MAP4: variants seen among roughly 807,000 people sequenced by gnomAD.
The protein encoded by MAP4 is microtubule-associated protein 4.
MAP4 carries 76 observed loss-of-function variants against 170.2 expected under a neutral mutation model. The ratio of observed to expected loss-of-function variants is 0.45; its 90% CI spans 0.37 to 0.54. The LOEUF (loss-of-function observed/expected upper bound fraction) is 0.54. MAP4 is among the 20% of genes least tolerant of loss of function. MAP4 has a pLI of 0.00. For synonymous variants in MAP4, 909 were observed against 994.5 expected (o/e 0.91, Z 1.62); for missense variants, 2,506 against 2,748.0 (o/e 0.91, Z 1.97).
In MAP4 at chr3:47,928,210, G is replaced by C; in HGVS notation, c.415+18C>G. ...GTCATAGCACACATTTAGTAGTCACGAGCAAGCCAACACTTACCAGTCTGG... is the reference window on the plus strand; with the variant it reads ...GTCATAGCACACATTTAGTAGTCACCAGCAAGCCAACACTTACCAGTCTGG... On this transcript the variant is annotated intron_variant, in intron 4 of 20. Transcript: ENST00000683076. 6.2e-7 allele frequency: 1 copy of C among 1,612,774 alleles called. No individual in the cohort carries two copies. The highest frequency in any genetic ancestry group is 8.5e-7 in the Non-Finnish European group (1 of 1,179,608).
Position 47,911,279 on chromosome 3 carries a change from C to G in MAP4, c.3142G>C (p.Glu1048Gln). 1 of 1,536,138 alleles carries G rather than the reference C, an allele frequency of 6.5e-7. No homozygotes were observed. Among genetic ancestry groups the G allele is most frequent in the Non-Finnish European group, 8.7e-7 (1 of 1,146,922 alleles). ...GQVLVQVPGV[E>Q]NEPFKRMAGD... ...GCCATTCTCTTAAATGGTTCATTCT[C>G]TACCCCAGGGACCTGTACCAACACT... Residue 1048 changes from glutamate (E) to glutamine (Q), a missense_variant, in exon 9 of 21, where the codon GAG becomes CAG. Physicochemically the swap from Glu to Gln is conservative, Grantham distance 29. Around this residue, in one of 3 missense-constraint regions of MAP4, gnomAD observed 2,008 missense variants for 2,206.0 expected, o/e 0.91. Coordinates refer to ENST00000683076, the MANE Select transcript of MAP4 (RefSeq NM_001385682.1). This position sits in a 1 kb window ranked among gnomAD's most constrained non-coding sequence, Gnocchi z 4.0.
chr3:47,974,881 T>C, intron 3 of MAP4: 2 of 973,540 alleles, frequency 2.1e-6, no homozygotes, highest in Non-Finnish European at 2.4e-6. Context: ...TATCATTATT[T>C]AGATTTTAGT....
chr3:47,867,205 G>A (rs1378365026), intron 17 of MAP4, 41 bp downstream of exon 17: 1 of 1,387,660 alleles, frequency 7.2e-7, no homozygotes, highest in South Asian at 1.2e-5. Flanking sequence ...CCCCACAGTG[G>A]GCTATATCTC....
chr3:47,871,281 T>C lies in MAP4; in HGVS notation c.5947A>G (p.Lys1983Glu). Reference protein sequence around the residue: ...TLLPKKPTAIKTEGKPAEVKK... With the variant: ...TLLPKKPTAIETEGKPAEVKK... ...ACTTCTGCAGGTTTTCCCTCAGTCT[T>C]AATGGCTGTACAAAATATACTTATT... is the stretch of plus-strand genomic sequence containing the variant. Residue 1983 changes from lysine to glutamate, a missense_variant, in exon 14 of 21, where the codon AAG becomes GAG. Physicochemically the swap from Lys to Glu is moderately conservative, Grantham distance 56. This residue lies in a region of MAP4 where 487 missense variants were observed against 511.6 expected (regional missense o/e 0.95). Transcript: ENST00000683076. The C allele has an allele frequency of 6.2e-7, 1 of 1,612,902 alleles. No individual in the cohort carries two copies. The highest frequency in any genetic ancestry group is 8.5e-7 in the Non-Finnish European group (1 of 1,178,820).
At chr3:47,955,333 G>A (rs1395598725) in intron 3 of MAP4, among the ~76,000 whole-genome samples, 1 of 151,728 alleles carries the variant, frequency 6.6e-6, no homozygotes, top group Non-Finnish European at 1.5e-5. Context: ...CCTTTTACGT[G>A]CCTATGAATC....
chr3:48,031,975 A>G (rs2100116383), intron 1 of MAP4, among the ~76,000 whole-genome samples: 1 of 152,160 alleles, frequency 6.6e-6, no homozygotes, highest in Non-Finnish European at 1.5e-5. Flanking sequence ...TAAGAGTGGC[A>G]CTTTACCTCT....
At chr3:47,925,418 C>A (rs538427374) in intron 4 of MAP4, among the ~76,000 whole-genome samples, 1 of 152,160 alleles carries the variant, frequency 6.6e-6, no homozygotes, top group Admixed American at 6.6e-5. Flanking sequence ...TGAGCTTGGG[C>A]GGTCAAGGCT....
At chr3:48,034,252 A>C (rs921989395) in intron 1 of MAP4, among the ~76,000 whole-genome samples, 1 of 152,198 alleles carries the variant, frequency 6.6e-6, no homozygotes, top group East Asian at 1.9e-4. Context: ...GAAAGGAATG[A>C]TCTCATCCCA....
chr3:47,888,736 C>G (rs1383625527), intron 10 of MAP4, among the ~76,000 whole-genome samples: 1 of 152,202 alleles, frequency 6.6e-6, no homozygotes, highest in African/African-American at 2.4e-5. Flanking sequence ...TGAAGCTTAG[C>G]AAGATTGGAT....
Position 47,877,274 on chromosome 3 carries a change from A to G in MAP4, c.5541+143T>C, listed in dbSNP as rs532896865. ...ACTGTGGTAAATGAGAATACAAGATATTTTCTAAGCATGTCCAAACATGAG... is the reference window on the plus strand; with the variant it reads ...ACTGTGGTAAATGAGAATACAAGATGTTTTCTAAGCATGTCCAAACATGAG... On this transcript the variant is annotated intron_variant, in intron 11 of 20. Transcript: ENST00000683076. The G allele has an allele frequency of 6.2e-6, 4 of 646,336 alleles. No homozygotes were observed. The East Asian group carries it at 1.1e-4, about 18-fold the overall frequency. 40.0% of individuals were successfully genotyped at this position (646,336 alleles called of 1,614,324 possible).
chr3:47,857,151 C>A (rs1047822748), intron 18 of MAP4, among the ~76,000 whole-genome samples: 1 of 152,212 alleles, frequency 6.6e-6, no homozygotes, highest in Non-Finnish European at 1.5e-5. Context: ...TCAGAGTGCA[C>A]CACTTCCCCA....
Position 47,887,135 on chromosome 3 carries a change from C to T in MAP4, c.5435-9612G>A, listed in dbSNP as rs556027292. ...TGAGGGGCCCTTTGGCCCGCCGCTG[C>T]ACTGTGGGACCCCCTTTCTGGGCTG... On this transcript the variant is annotated intron_variant, in intron 10 of 20. Coordinates refer to ENST00000683076, the MANE Select transcript of MAP4 (RefSeq NM_001385682.1). Among the ~76,000 whole-genome samples the T allele has an allele frequency of 3.3e-5, 5 of 152,388 alleles. No individual in the cohort carries two copies. In the East Asian group the frequency reaches 7.7e-4, roughly 24 times the overall value.
Position 47,916,832 on chromosome 3 carries a change from T to C in MAP4, c.995A>G (p.Lys332Arg). The C allele has an allele frequency of 6.2e-7, 1 of 1,614,280 alleles. No individual in the cohort carries two copies. Among genetic ancestry groups the C allele is most frequent in the Non-Finnish European group, 8.5e-7 (1 of 1,180,058 alleles). The change falls in exon 7 of 21, where the codon AAG becomes AGG. Residue 332 changes from lysine (K) to arginine (R), a missense_variant. Transcript: ENST00000683076. ...TGTTTCTGTGGGCAGTACCACATTCTTGGCTGAAGATACATCTGTTTCTGT... is the reference window on the plus strand; with the variant it reads ...TGTTTCTGTGGGCAGTACCACATTCCTGGCTGAAGATACATCTGTTTCTGT... ...WPTETDVSSAKNVVLPTETEV... is the reference protein window; with the variant it reads ...WPTETDVSSARNVVLPTETEV...
chr3:47,955,435 T>TACACAC lies in MAP4; in HGVS notation c.292+22424_292+22429dup, dbSNP rs3079351. On this transcript the variant is annotated intron_variant, in intron 3 of 20. Coordinates refer to ENST00000683076, the MANE Select transcript of MAP4 (RefSeq NM_001385682.1). The stretch of plus-strand genomic sequence containing the variant: ...CCAAAAAAATAAATAAATAAGCACG[T>TACACAC]ACACACACACACACACACACACACA... Among the ~76,000 whole-genome samples the TACACAC allele has an allele frequency of 5.0e-3, 672 of 135,460 alleles. 5 individuals are homozygous for TACACAC. Among genetic ancestry groups the TACACAC allele is most frequent in the African/African-American group, 0.015 (529 of 36,338 alleles). 88.9% of individuals were successfully genotyped at this position (135,460 alleles called of 152,430 possible). A position where few individuals can be genotyped will look rare whatever the true frequency, so the allele number is the denominator to read the frequency against.
chr3:47,903,385 T>C (rs2100031193), intron 9 of MAP4, among the ~76,000 whole-genome samples: 1 of 151,976 alleles, frequency 6.6e-6, no homozygotes, highest in Admixed American at 6.6e-5. Context: ...TACAAAAAAT[T>C]AGCCAGGCAT....
chr3:47,997,343 AAAGAT>A (rs2100096476), intron 2 of MAP4, among the ~76,000 whole-genome samples: 1 of 149,932 alleles, frequency 6.7e-6, no homozygotes, highest in Admixed American at 6.7e-5. Context: ...AAAAAAAAAA[AAAGAT>A]AAAATCTTAA....
At position 47,884,866 on chromosome 3, in the gene MAP4, C is replaced by T. The variant is rs867438590; in HGVS notation, c.5435-7343G>A. 3.3e-5 allele frequency among the ~76,000 whole-genome samples: 5 copies of T among 152,272 alleles called. 1 individual carries two copies. The Middle Eastern group carries it at 0.01, about 311-fold the overall frequency. ...CCCCTGGGTAGAGGATTACAAGACA[C>T]CAGGGCTATAGAAGCCACTGGTGCT... On this transcript the variant is annotated intron_variant, in intron 10 of 20. Coordinates refer to ENST00000683076, the MANE Select transcript of MAP4 (RefSeq NM_001385682.1).
At chr3:47,902,672 T>TAAAA (rs2100030720) in intron 10 of MAP4, among the ~76,000 whole-genome samples, 1 of 22,378 alleles carries the variant, frequency 4.5e-5, no homozygotes, top group Non-Finnish European at 8.2e-5. Flanking sequence ...AGACTCTGTC[T>TAAAA]CAAAAAAAAA....
At chr3:47,932,620 G>A (rs538610012) in intron 3 of MAP4, among the ~76,000 whole-genome samples, 2 of 152,210 alleles carry the variant, frequency 1.3e-5, no homozygotes, top group South Asian at 4.1e-4. Context: ...CCCTAGATGT[G>A]GTAAGAAGTA....
Sources: gnomAD v4.1 joint callset for allele counts (sites outside exome capture counted in the v4.1 genomes callset) on GRCh38, gnomAD v4.1.1 for gene constraint, gnomAD v4.1.1 regional missense constraint, Gnocchi (gnomAD v3.1) non-coding constraint, MANE v1.5 for transcripts, NCBI Gene and HGNC (gene_info 2026-07-23, HGNC 2026-07-21) for gene names.